Variants in CALN1 observed in about 807,000 individuals in gnomAD.
CALN1 encodes calcium-binding protein 8.
Under a neutral mutation model 30.6 loss-of-function variants are expected in CALN1, and 17 were observed. The ratio of observed to expected loss-of-function variants is 0.56; its 90% confidence interval spans 0.38 to 0.83. The LOEUF (loss-of-function observed/expected upper bound fraction) is 0.83, where lower values mean the gene tolerates loss of function less well. Among genes scored for constraint, CALN1 ranks in the 40% least tolerant of loss-of-function variants. The probability of loss-of-function intolerance (pLI) is 0.00; values close to 1 mark genes in which losing one functional copy is unlikely to be tolerated. For synonymous variants in CALN1, 156 were observed against 131.4 expected (o/e 1.19, Z -1.28); for missense variants, 291 against 354.9 (o/e 0.82, Z 1.45).
the CALN1 span, among the ~76,000 whole-genome samples, chr7:72,478,983 G>C: frequency 6.7e-6 from 1 of 150,204 alleles, no homozygotes; most frequent in Non-Finnish European, 1.5e-5. Flanking sequence ...CCGGGTTCAA[G>C]TGATTTGCCT....
chr7:71,853,342 T>C (rs1375671555), intron 5 of CALN1, among the ~76,000 whole-genome samples: 2 of 152,162 alleles, frequency 1.3e-5, no homozygotes, highest in East Asian at 3.8e-4. Flanking sequence ...ATATTATTAT[T>C]TATGGCATCT....
At chr7:72,193,309 G>C (rs902231738) in intron 3 of CALN1, among the ~76,000 whole-genome samples, 1 of 152,124 alleles carries the variant, frequency 6.6e-6, no homozygotes, top group African/African-American at 2.4e-5. Flanking sequence ...AGCCTGCAGT[G>C]AGCCATGATT....
chr7:71,992,689 C>A (rs146963807), intron 5 of CALN1, among the ~76,000 whole-genome samples: 1 of 152,296 alleles, frequency 6.6e-6, no homozygotes, highest in Non-Finnish European at 1.5e-5. Context: ...AGAGCACTGA[C>A]CCCATTTCTC....
chr7:71,958,300 G>A (rs1448187069), intron 5 of CALN1, among the ~76,000 whole-genome samples: 2 of 152,004 alleles, frequency 1.3e-5, no homozygotes, highest in East Asian at 3.9e-4. Flanking sequence ...CTGTTTGTCA[G>A]GTTTCTTGCC....
At chr7:72,382,798 ATT>A (rs1410403282) in intron 2 of CALN1, among the ~76,000 whole-genome samples, 1 of 152,022 alleles carries the variant, frequency 6.6e-6, no homozygotes. Context: ...ACAGGATTTC[ATT>A]TTGTTTTTTG....
the CALN1 span, among the ~76,000 whole-genome samples, chr7:72,456,424 G>A: frequency 2.0e-5 from 3 of 152,092 alleles, no homozygotes. Context: ...TGTCAGCCCA[G>A]CTACTCAGAA....
intron 2 of CALN1, among the ~76,000 whole-genome samples, chr7:72,293,323 G>A (rs1288751880): frequency 1.3e-5 from 2 of 152,144 alleles, no homozygotes; most frequent in Admixed American, 6.6e-5. Context: ...TAGCACCGTG[G>A]TAGGGGCTGC....
At chr7:72,382,454 A>C (rs1447217711) in intron 2 of CALN1, among the ~76,000 whole-genome samples, 2 of 152,148 alleles carry the variant, frequency 1.3e-5, no homozygotes. Flanking sequence ...CTGTTATTAG[A>C]ATTGCATTTT....
chr7:72,459,932 T>C, the CALN1 span, among the ~76,000 whole-genome samples: 1 of 152,134 alleles, frequency 6.6e-6, no homozygotes, highest in Non-Finnish European at 1.5e-5. Context: ...GGGTAATTTA[T>C]AAAGAAAGGG....
chr7:72,031,848 T>C (rs1801464304), intron 4 of CALN1, among the ~76,000 whole-genome samples: 1 of 151,376 alleles, frequency 6.6e-6, no homozygotes. Context: ...TTCAAGTGAT[T>C]CTCCTGCCTC....
At chr7:71,874,519 G>A (rs567483098) in intron 5 of CALN1, among the ~76,000 whole-genome samples, 5 of 152,234 alleles carry the variant, frequency 3.3e-5, no homozygotes, top group Admixed American at 2.0e-4. Flanking sequence ...TCCAGAGCAC[G>A]GAATGACTTT....
chr7:72,407,944 G>T (rs190082225), intron 1 of CALN1, among the ~76,000 whole-genome samples: 2 of 152,190 alleles, frequency 1.3e-5, no homozygotes, highest in African/African-American at 4.8e-5. Context: ...CAGTCTGGAG[G>T]ATCAGCTTGT....
intron 3 of CALN1, among the ~76,000 whole-genome samples, chr7:72,248,737 C>T (rs1464573541): frequency 1.3e-5 from 2 of 151,974 alleles, no homozygotes; most frequent in African/African-American, 4.8e-5. Flanking sequence ...AGGACACGCA[C>T]ATCTTTAGGG....
chr7:72,232,134 G>A (rs781184060), intron 3 of CALN1, among the ~76,000 whole-genome samples: 7 of 152,142 alleles, frequency 4.6e-5, no homozygotes, highest in Non-Finnish European at 8.8e-5. Flanking sequence ...CCATTCTAGG[G>A]GTCAGAAGAA....
chr7:72,191,891 G>A (rs1790635996), intron 3 of CALN1, among the ~76,000 whole-genome samples: 2 of 152,124 alleles, frequency 1.3e-5, no homozygotes, highest in South Asian at 2.1e-4. Flanking sequence ...GCTAGCACCC[G>A]TTTCCTTGCC....
In CALN1 at chr7:71,977,701, G is replaced by A. The variant is rs544503397; in HGVS notation, c.501+45956C>T. Among the ~76,000 whole-genome samples, 292 of 152,104 alleles carry A rather than the reference G, an allele frequency of 1.9e-3. 2 individuals are homozygous for A. Among genetic ancestry groups the A allele is most frequent in the African/African-American group, 6.8e-3 (284 of 41,500 alleles). On this transcript the variant is annotated intron_variant, in intron 5 of 6. Coordinates refer to ENST00000395275, the MANE Select transcript of CALN1 (RefSeq NM_031468.4). ...AATCCCAGCACTTTGAGAGACTGAG[G>A]CCAGTGGATCACCTGAGGTCAGGAG...
At chr7:72,028,751 G>A (rs1333265239) in intron 4 of CALN1, among the ~76,000 whole-genome samples, 1 of 152,202 alleles carries the variant, frequency 6.6e-6, no homozygotes, top group Non-Finnish European at 1.5e-5. Context: ...AACACTTTGG[G>A]AGGCCGAGAT....
At chr7:72,052,407 A>G (rs527250770) in intron 4 of CALN1, among the ~76,000 whole-genome samples, 1 of 152,174 alleles carries the variant, frequency 6.6e-6, no homozygotes, top group Admixed American at 6.5e-5. Flanking sequence ...AAGCTCCCCG[A>G]GAAAGGGCCA....
At position 71,913,278 on chromosome 7, in the gene CALN1, C is replaced by A. The variant is rs184230543; in HGVS notation, c.502-102786G>T. On this transcript the variant is annotated intron_variant, in intron 5 of 6. Transcript: ENST00000395275. ...CTAGCAGTAAGTCACTTCTACTGTG[C>A]ATTAGGTGAGTTCTCTGCACTTTGC... is the stretch of plus-strand genomic sequence containing the variant. 1.1e-4 allele frequency among the ~76,000 whole-genome samples: 16 copies of A among 152,284 alleles called. No homozygotes were observed. The East Asian group carries it at 3.1e-3, about 29-fold the overall frequency.
Sources: allele counts gnomAD v4.1 joint callset (sites outside exome capture counted in the v4.1 genomes callset), GRCh38; gene constraint gnomAD v4.1.1; transcripts MANE v1.5; gene names NCBI Gene and HGNC (gene_info 2026-07-23, HGNC 2026-07-21).